The following SYT17 variants were observed in gnomAD, a reference collection of about 807,000 sequenced individuals.
SYT17 encodes the protein synaptotagmin-17.
SYT17 carries 22 observed loss-of-function variants against 46.7 expected under a neutral mutation model. The observed-to-expected ratio is 0.47, with a 90% confidence interval of 0.34 to 0.67. The LOEUF is 0.67. Among genes scored for constraint, SYT17 ranks in the 30% least tolerant of loss-of-function variants. The pLI, the probability that SYT17 is intolerant of heterozygous loss-of-function variation, is 0.01. For synonymous variants in SYT17, 251 were observed against 248.4 expected, an observed-to-expected ratio of 1.01 and a Z score of -0.10; for missense variants, 519 against 612.8, an observed-to-expected ratio of 0.85 and a Z score of 1.62.
intron 7 of SYT17, 66 bp from the exon 8 acceptor site, chr16:19,266,814 G>T: frequency 6.9e-7 from 1 of 1,452,986 alleles, no homozygotes; most frequent in Middle Eastern, 2.4e-4. Flanking sequence ...TCTTCTCCCT[G>T]CCTTCCTGTT....
intron 7 of SYT17, among the ~76,000 whole-genome samples, chr16:19,262,403 TG>T (rs1297463032): frequency 1.3e-5 from 2 of 152,204 alleles, no homozygotes; most frequent in African/African-American, 4.8e-5. Flanking sequence ...TACCTTGATC[TG>T]GGACTTCCTA....
intron 7 of SYT17, among the ~76,000 whole-genome samples, chr16:19,247,809 G>T (rs1318941437): frequency 1.3e-5 from 2 of 152,132 alleles, no homozygotes; most frequent in Non-Finnish European, 2.9e-5. Context: ...CAGTTCTAAA[G>T]GTTACTGCCT....
intron 7 of SYT17, among the ~76,000 whole-genome samples, chr16:19,265,387 T>C (rs951893835): frequency 1.3e-5 from 2 of 152,234 alleles, no homozygotes; most frequent in African/African-American, 4.8e-5. Flanking sequence ...TTGCTGAAGA[T>C]GACATAGTAT....
chr16:19,172,266 C>T, intron 1 of SYT17: 2 of 1,113,844 alleles, frequency 1.8e-6, no homozygotes, highest in Non-Finnish European at 2.2e-6. Context: ...AGGAAACACC[C>T]CACCATCACC....
intron 5 of SYT17, among the ~76,000 whole-genome samples, chr16:19,185,625 C>T (rs1021300798): frequency 3.9e-5 from 6 of 151,984 alleles, no homozygotes; most frequent in East Asian, 1.9e-4. Flanking sequence ...AAAAAGTTGC[C>T]TTTCCATGGG....
intron 5 of SYT17, among the ~76,000 whole-genome samples, chr16:19,188,600 C>G (rs1042113363): frequency 4.0e-5 from 6 of 148,630 alleles, no homozygotes; most frequent in Admixed American, 6.7e-5. Flanking sequence ...CCAGAGATGG[C>G]GATTTGGATG....
intron 6 of SYT17, among the ~76,000 whole-genome samples, chr16:19,223,368 A>G (rs1167661509): frequency 1.3e-5 from 2 of 152,166 alleles, no homozygotes; most frequent in Non-Finnish European, 2.9e-5. Context: ...CTTAAAACCT[A>G]TTTGAACCCA....
At chr16:19,239,876 C>T (rs1597002560) in intron 7 of SYT17, among the ~76,000 whole-genome samples, 1 of 152,202 alleles carries the variant, frequency 6.6e-6, no homozygotes, top group Non-Finnish European at 1.5e-5. Flanking sequence ...TGGGGTTCAG[C>T]CACTGTGCAC....
intron 5 of SYT17, 92 bp downstream of exon 5, chr16:19,184,239 AT>A: frequency 6.8e-7 from 1 of 1,465,644 alleles, no homozygotes; most frequent in Non-Finnish European, 9.1e-7. Flanking sequence ...GCTTTTTTGG[AT>A]TTTTAAAACT....
chr16:19,246,056 A>T (rs1597017020), intron 7 of SYT17, among the ~76,000 whole-genome samples: 1 of 150,692 alleles, frequency 6.6e-6, no homozygotes, highest in East Asian at 2.0e-4. Context: ...TCCGGGCTGG[A>T]GTCCAGTGGT....
chr16:19,180,657 G>A, intron 4 of SYT17, 118 bp downstream of exon 4: 1 of 1,233,902 alleles, frequency 8.1e-7, no homozygotes, highest in Non-Finnish European at 1.1e-6. Context: ...TGGGATGACA[G>A]TCCAGGAGAC....
At chr16:19,237,366 C>A (rs922861606) in intron 7 of SYT17, among the ~76,000 whole-genome samples, 1 of 152,148 alleles carries the variant, frequency 6.6e-6, no homozygotes, top group African/African-American at 2.4e-5. Flanking sequence ...ACTTTTGAGG[C>A]AGGAGGTGGG....
chr16:19,183,548 A>G lies in SYT17; in HGVS notation c.352A>G (p.Ser118Gly), dbSNP rs954464993. 1.9e-6 allele frequency: 3 copies of G among 1,614,164 alleles called. No homozygotes were observed. The highest frequency in any genetic ancestry group is 8.5e-7 in the Non-Finnish European group (1 of 1,180,008). The part of the protein sequence containing the change: ...RISSLESRRP[S>G]SPLIDIKPIE... Reference sequence around the variant, plus strand: ...CTCAGGTCTTGAGTCAAGACGTCCCAGCTCTCCACTCATCGATATTAAACC... The same window carrying G: ...CTCAGGTCTTGAGTCAAGACGTCCCGGCTCTCCACTCATCGATATTAAACC... The change falls in exon 5 of 8, where the codon AGC becomes GGC. Residue 118 changes from serine to glycine, a missense_variant. Ser to Gly is a moderately conservative substitution (Grantham distance 56, BLOSUM62 0). Coordinates refer to ENST00000355377, the MANE Select transcript of SYT17 (RefSeq NM_016524.4). This position sits in a 1 kb window ranked among gnomAD's most constrained non-coding sequence, Gnocchi z 5.6.
intron 5 of SYT17, among the ~76,000 whole-genome samples, chr16:19,186,986 C>T (rs1001576708): frequency 1.1e-4 from 17 of 151,952 alleles, no homozygotes; most frequent in African/African-American, 3.6e-4. Context: ...GTGCTGCATG[C>T]GGTAATAAAT....
At chr16:19,205,794 T>C (rs1965647540) in intron 5 of SYT17, among the ~76,000 whole-genome samples, 1 of 152,238 alleles carries the variant, frequency 6.6e-6, no homozygotes, top group Admixed American at 6.5e-5. Context: ...TTGACTTTCC[T>C]TTTAAAGAGC....
intron 3 of SYT17, among the ~76,000 whole-genome samples, chr16:19,178,496 C>T (rs114035747): frequency 7.9e-5 from 12 of 151,912 alleles, no homozygotes; most frequent in Admixed American, 2.0e-4. Flanking sequence ...TTCGCCATGT[C>T]GGCCGGGTTG....
intron 5 of SYT17, among the ~76,000 whole-genome samples, chr16:19,211,624 A>ATT (rs10716359): frequency 1.7e-4 from 25 of 143,448 alleles, no homozygotes; most frequent in African/African-American, 5.4e-4. Flanking sequence ...ACGATCTTGT[A>ATT]TTTTTTTTTT....
At chr16:19,217,713 G>A (rs1966150072) in intron 5 of SYT17, among the ~76,000 whole-genome samples, 1 of 152,154 alleles carries the variant, frequency 6.6e-6, no homozygotes, top group African/African-American at 2.4e-5. Context: ...TATACACCTA[G>A]GAATGGAACT....
chr16:19,246,234 T>A (rs1967551122), intron 7 of SYT17, among the ~76,000 whole-genome samples: 1 of 152,062 alleles, frequency 6.6e-6, no homozygotes, highest in Admixed American at 6.6e-5. Flanking sequence ...TCAGGTGATC[T>A]GCCCGCCTCA....
Sources: allele counts gnomAD v4.1 joint callset (sites outside exome capture counted in the v4.1 genomes callset), GRCh38; gene constraint gnomAD v4.1.1; non-coding constraint Gnocchi (gnomAD v3.1); transcripts MANE v1.5; gene names NCBI Gene and HGNC (gene_info 2026-07-23, HGNC 2026-07-21).